PDGFA: variants seen among roughly 807,000 people sequenced by gnomAD.
The protein encoded by PDGFA is platelet derived growth factor subunit A.
In PDGFA, 9 loss-of-function variants were observed where a neutral mutation model predicts 25.6. The observed-to-expected ratio is 0.35, with a 90% CI of 0.21 to 0.61. The LOEUF (loss-of-function observed/expected upper bound fraction) is 0.61, where lower values mean the gene tolerates loss of function less well. PDGFA is among the 20% of genes least tolerant of loss of function. The probability of loss-of-function intolerance (pLI) is 0.75; values close to 1 mark genes in which losing one functional copy is unlikely to be tolerated. For missense variants in PDGFA, 242 were observed against 272.8 expected (o/e 0.89, Z 0.79); for synonymous variants, 133 against 111.8 (o/e 1.19, Z -1.20).
At chr7:512,138 C>T (rs1010680566) in intron 3 of PDGFA, among the ~76,000 whole-genome samples, 13 of 152,200 alleles carry the variant, frequency 8.5e-5, no homozygotes, top group Admixed American at 2.0e-4. Context: ...GGGCAGGAGA[C>T]ACCCTCGAAG....
chr7:509,011 G>A (rs1014405925), intron 4 of PDGFA, among the ~76,000 whole-genome samples: 9 of 152,216 alleles, frequency 5.9e-5, no homozygotes, highest in African/African-American at 1.9e-4. Context: ...GCAAACACAG[G>A]CCAAAGCCAG....
At chr7:519,717 C>G (rs952248440), upstream of PDGFA, among the ~76,000 whole-genome samples, 2 of 145,822 alleles carry the variant, frequency 1.4e-5, no homozygotes, top group Non-Finnish European at 3.0e-5. Flanking sequence ...CTGCGCCGCC[C>G]GCGCGGGCCT....
exon 1 of PDGFA, chr7:519,111 C>G: frequency 2.6e-6 from 2 of 763,108 alleles, no homozygotes; most frequent in East Asian, 6.6e-5. Flanking sequence ...GGAGCGCGGC[C>G]CGGAGGAGGG....
intron 5 of PDGFA, 105 bp from the exon 6 acceptor site, chr7:498,679 A>T: frequency 9.7e-7 from 1 of 1,035,102 alleles, no homozygotes; most frequent in Non-Finnish European, 1.5e-6. Context: ...CATTTAACCC[A>T]ATCAGGGGCA....
chr7:510,801 G>A lies in PDGFA; in HGVS notation c.453+8C>T. On this transcript the variant is annotated splice_region_variant and intron_variant, in intron 4 of 5. Coordinates refer to ENST00000402802, the Ensembl canonical transcript of PDGFA. ...GGGGAGGGGAGGGGAGGGGAGGGGA[G>A]GGCTCACCTTGACGCTGCGGTGGTG... 5 of 1,471,320 alleles carry A rather than the reference G, an allele frequency of 3.4e-6. No homozygotes were observed. Among genetic ancestry groups the A allele is most frequent in the Non-Finnish European group, 3.7e-6 (4 of 1,088,950 alleles). The allele number at this position is 1,471,320 out of a possible 1,614,324, so 91.1% of individuals were successfully genotyped here. A position where few individuals can be genotyped will look rare whatever the true frequency, so the allele number is the denominator to read the frequency against.
intron 3 of PDGFA, among the ~76,000 whole-genome samples, 154 bp downstream of exon 3, chr7:512,197 T>C (rs2128401924): frequency 1.3e-5 from 2 of 152,216 alleles, no homozygotes; most frequent in Middle Eastern, 6.8e-3. Context: ...GGGCCAGGCC[T>C]ATTTTAGGGA....
intron 5 of PDGFA, among the ~76,000 whole-genome samples, chr7:499,814 G>C (rs1216828834): frequency 6.7e-6 from 1 of 149,034 alleles, no homozygotes; most frequent in African/African-American, 2.5e-5. Context: ...GGCAACTGCA[G>C]ATGGATGCCA....
Position 501,261 on chromosome 7 carries a change from C to A in PDGFA, c.454-19G>T. On this transcript the variant is annotated intron_variant, in intron 4 of 5. Coordinates refer to ENST00000402802, the Ensembl canonical transcript of PDGFA. The stretch of plus-strand genomic sequence containing the variant: ...TGGCCACCTGCCAGAGAGAACAGAG[C>A]CCGGCCATGAATGCCTGCATGGAGC... 6.2e-7 allele frequency: 1 copy of A among 1,613,634 alleles called. No homozygotes were observed. Among genetic ancestry groups the A allele is most frequent in the South Asian group, 1.1e-5 (1 of 91,088 alleles).
chr7:505,413 A>C (rs1257152875), intron 4 of PDGFA, among the ~76,000 whole-genome samples: 1 of 152,176 alleles, frequency 6.6e-6, no homozygotes, highest in African/African-American at 2.4e-5. Flanking sequence ...ACTACAACCC[A>C]GGGATGCCGT....
At chr7:498,440 G>C in exon 6 of PDGFA, 1 of 903,424 alleles carries the variant, frequency 1.1e-6, no homozygotes, top group South Asian at 1.4e-5. Flanking sequence ...GAGTGTTCTC[G>C]GACACAGTTT....
intron 4 of PDGFA, among the ~76,000 whole-genome samples, chr7:510,590 G>A: frequency 1.3e-5 from 1 of 77,780 alleles, no homozygotes; most frequent in Non-Finnish European, 2.7e-5. Flanking sequence ...GGCTCGGGTG[G>A]GGAGGGGAGG....
intron 4 of PDGFA, among the ~76,000 whole-genome samples, chr7:507,916 C>G (rs1782631264): frequency 6.6e-6 from 1 of 152,108 alleles, no homozygotes. Context: ...ATCCTGAGGA[C>G]AGAAGAGTGC....
chr7:506,351 G>A (rs1007121111), intron 4 of PDGFA, among the ~76,000 whole-genome samples: 1 of 151,976 alleles, frequency 6.6e-6, no homozygotes, highest in Non-Finnish European at 1.5e-5. Context: ...TGGAAGCAAT[G>A]CCCAGACCTC....
exon 6 of PDGFA, chr7:497,966 AAAAAAAACAAAACAAAAAC>A (rs1782157331): frequency 7.5e-6 from 1 of 133,496 alleles, no homozygotes; most frequent in Non-Finnish European, 1.6e-5. Flanking sequence ...AAACAAAAAA[AAAAAAAACAAAACAAAAAC>A]AAAAAAAAAA....
In PDGFA at chr7:518,929, C is replaced by A; in HGVS notation, c.63+10G>T. On this transcript the variant is annotated intron_variant, in intron 1 of 5. Coordinates refer to ENST00000402802, the Ensembl canonical transcript of PDGFA. ...CCGGCGCAGGGACGGGGCGCGGGGG[C>A]GGCACCAACCTCGGCCAGAACATGG... 2 of 1,510,366 alleles carry A rather than the reference C, an allele frequency of 1.3e-6. No homozygotes were observed. The highest frequency in any genetic ancestry group is 8.8e-7 in the Non-Finnish European group (1 of 1,130,308). The allele number at this position is 1,510,366 out of a possible 1,614,324, so 93.6% of individuals were successfully genotyped here.
At chr7:503,458 A>G (rs754510103) in intron 4 of PDGFA, among the ~76,000 whole-genome samples, 1 of 152,116 alleles carries the variant, frequency 6.6e-6, no homozygotes, top group African/African-American at 2.4e-5. Flanking sequence ...GTGAATGAGG[A>G]GACCTCAGCC....
In PDGFA at chr7:500,896, G is replaced by A. The variant is rs1782301461; in HGVS notation, c.580+220C>T. 1 of 1,580,242 alleles carries A rather than the reference G, an allele frequency of 6.3e-7. No homozygotes were observed. Among genetic ancestry groups the A allele is most frequent in the African/African-American group, 1.3e-5 (1 of 74,508 alleles). On this transcript the variant is annotated intron_variant, in intron 5 of 5. Coordinates refer to ENST00000402802, the Ensembl canonical transcript of PDGFA. This position sits in a 1 kb window ranked among gnomAD's most constrained non-coding sequence, Gnocchi z 5.0. ...GAGACCTGAATCTCCTCTCCTGCCA[G>A]TGCCGCAGCTTGGGCCACCCTCCCC...
chr7:501,796 G>A (rs1247120943), intron 4 of PDGFA, among the ~76,000 whole-genome samples: 5 of 152,166 alleles, frequency 3.3e-5, no homozygotes. Context: ...GTGCCTGGGG[G>A]GGCTGAAGGA....
rs1407224333 is a variant in PDGFA, at chr7:500,402, GACT to G, written c.580+711_580+713del. 3.1e-6 allele frequency: 5 copies of G among 1,610,980 alleles called. No homozygotes were observed. The highest frequency in any genetic ancestry group is 4.2e-6 in the Non-Finnish European group (5 of 1,177,244). On this transcript the variant is annotated intron_variant, in intron 5 of 5. Coordinates refer to ENST00000402802, the Ensembl canonical transcript of PDGFA. This position sits in a 1 kb window ranked among gnomAD's most constrained non-coding sequence, Gnocchi z 5.0. ...TCAGTTGCACCTCCCCGCCCTGCAGGACTCAGTGTGTCCGGCAGACAGTCCTAC... is the reference window on the plus strand; with the variant it reads ...TCAGTTGCACCTCCCCGCCCTGCAGGCAGTGTGTCCGGCAGACAGTCCTAC...
Sources: allele counts gnomAD v4.1 joint callset (sites outside exome capture counted in the v4.1 genomes callset), GRCh38; gene constraint gnomAD v4.1.1; non-coding constraint Gnocchi (gnomAD v3.1); transcripts MANE v1.5; gene names NCBI Gene and HGNC (gene_info 2026-07-23, HGNC 2026-07-21).